The following NFIA variants were observed in gnomAD, a reference collection of about 807,000 sequenced individuals.
The protein encoded by NFIA is nuclear factor 1 A-type.
In NFIA, 8 loss-of-function variants were observed where a neutral mutation model predicts 62.8. The ratio of observed to expected loss-of-function variants is 0.13; its 90% CI spans 0.07 to 0.23. The LOEUF (loss-of-function observed/expected upper bound fraction) is 0.23. Ranked by LOEUF, NFIA falls within the 10% of genes least tolerant of loss-of-function variation. The pLI, the probability that NFIA is intolerant of heterozygous loss-of-function variation, is 1.00. For synonymous variants in NFIA, 235 were observed against 238.1 expected (o/e 0.99, Z 0.12); for missense variants, 410 against 642.1 (o/e 0.64, Z 3.91).
intron 6 of NFIA, among the ~76,000 whole-genome samples, chr1:61,360,291 C>A (rs1663217643): frequency 6.6e-6 from 1 of 152,188 alleles, no homozygotes; most frequent in African/African-American, 2.4e-5. Context: ...TTCTCCAAAG[C>A]TTCCTGAATA....
At chr1:61,155,590 G>A (rs1458435592) in intron 2 of NFIA, among the ~76,000 whole-genome samples, 2 of 144,738 alleles carry the variant, frequency 1.4e-5, no homozygotes, top group Non-Finnish European at 3.0e-5. Context: ...GGAGGATGGC[G>A]TGAACCCGGG....
intron 3 of NFIA, among the ~76,000 whole-genome samples, chr1:61,310,504 A>G (rs1306891153): frequency 6.6e-6 from 1 of 151,980 alleles, no homozygotes; most frequent in African/African-American, 2.4e-5. Flanking sequence ...GTATGGGGGG[A>G]AAAGGAAGAG....
At chr1:61,101,360 A>C (rs1646505419) in intron 2 of NFIA, among the ~76,000 whole-genome samples, 1 of 148,416 alleles carries the variant, frequency 6.7e-6, no homozygotes, top group Non-Finnish European at 1.5e-5. Context: ...GCGCCATTGC[A>C]CTCCAGCCTG....
At chr1:61,333,119 G>C (rs79329113) in intron 4 of NFIA, among the ~76,000 whole-genome samples, 7,008 of 151,400 alleles carry the variant, frequency 0.046, 559 homozygotes, top group African/African-American at 0.16. Context: ...TTAGGAATCT[G>C]TTTTTTCTTA....
At chr1:61,375,421 G>A (rs532466505) in intron 6 of NFIA, among the ~76,000 whole-genome samples, 2 of 152,282 alleles carry the variant, frequency 1.3e-5, no homozygotes, top group African/African-American at 2.4e-5. Flanking sequence ...AAAGCAGTTA[G>A]CATCATTAAG....
rs528395844 is a variant in NFIA, at chr1:61,360,650, A to G, written c.946+1376A>G. Reference sequence around the variant, plus strand: ...TGTCTCCTCCCTTAATTTTTTTTCAAAAGACAATGCTCAGGGGATGTGACT... The same window carrying G: ...TGTCTCCTCCCTTAATTTTTTTTCAGAAGACAATGCTCAGGGGATGTGACT... On this transcript the variant is annotated intron_variant, in intron 6 of 10. Coordinates refer to ENST00000403491, the MANE Select transcript of NFIA (RefSeq NM_001134673.4). 8.5e-5 allele frequency among the ~76,000 whole-genome samples: 13 copies of G among 152,226 alleles called. No homozygotes were observed. In the East Asian group the frequency reaches 2.5e-3, roughly 29 times the overall value.
chr1:61,265,822 T>G (rs1430460603), intron 2 of NFIA, among the ~76,000 whole-genome samples: 2 of 152,210 alleles, frequency 1.3e-5, no homozygotes, highest in Non-Finnish European at 2.9e-5. Flanking sequence ...CCTTCTGTGG[T>G]CAGGGGTTAG....
intron 2 of NFIA, among the ~76,000 whole-genome samples, chr1:61,155,675 A>T (rs334697): frequency 2.2e-5 from 3 of 137,354 alleles, no homozygotes; most frequent in Admixed American, 7.5e-5. Flanking sequence ...GCGAGACTCC[A>T]TCTCAAAAAA....
At chr1:61,286,392 C>T (rs1401217509) in intron 3 of NFIA, among the ~76,000 whole-genome samples, 2 of 145,954 alleles carry the variant, frequency 1.4e-5, no homozygotes, top group African/African-American at 5.1e-5. Context: ...TGCGCCACTG[C>T]ACTCCAGCCT....
At chr1:61,427,954 A>C (rs941315346) in intron 10 of NFIA, among the ~76,000 whole-genome samples, 1 of 152,256 alleles carries the variant, frequency 6.6e-6, no homozygotes, top group African/African-American at 2.4e-5. Context: ...AAAGCATTAA[A>C]ACAGAAGAAC....
Position 61,088,705 on chromosome 1 carries a change from C to T in NFIA, c.559+25C>T. 6.3e-7 allele frequency: 1 copy of T among 1,589,164 alleles called. No homozygotes were observed. Among genetic ancestry groups the T allele is most frequent in the Non-Finnish European group, 8.6e-7 (1 of 1,167,566 alleles). ...GGTAAGTGCGATGGTGAGAATTCCT[C>T]CCACTTTCTTGTGTGTGTTTCTTTC... On this transcript the variant is annotated intron_variant, in intron 2 of 10. Transcript: ENST00000403491. This position sits in a 1 kb window ranked among gnomAD's most constrained non-coding sequence, Gnocchi z 4.5.
At chr1:61,126,101 A>T (rs1158154293) in intron 2 of NFIA, among the ~76,000 whole-genome samples, 13 of 152,180 alleles carry the variant, frequency 8.5e-5, no homozygotes. Flanking sequence ...AAGTGTCACG[A>T]AACTTGCTTC....
chr1:61,236,682 CTTCT>C (rs1655033874), intron 2 of NFIA, among the ~76,000 whole-genome samples: 1 of 151,578 alleles, frequency 6.6e-6, no homozygotes, highest in Admixed American at 6.6e-5. Flanking sequence ...ATTTTTGCAA[CTTCT>C]TTCTTTTCCT....
At chr1:61,309,084 T>TATA (rs1430428078) in intron 3 of NFIA, among the ~76,000 whole-genome samples, 3 of 152,190 alleles carry the variant, frequency 2.0e-5, no homozygotes, top group African/African-American at 7.2e-5. Flanking sequence ...GTGAATACTC[T>TATA]ATAGAGTTTT....
rs1557631969 is a variant in NFIA at position 61,200,040 on chromosome 1, A to ATGTATATATATG, written c.560-77479_560-77478insGTATATATATGT. ...TATATATATATATATATATATATAT[A>ATGTATATATATG]TATATATATATATATATATATATAT... On this transcript the variant is annotated intron_variant, in intron 2 of 10. Transcript: ENST00000403491. 6.2e-4 allele frequency among the ~76,000 whole-genome samples: 29 copies of ATGTATATATATG among 47,130 alleles called. 1 individual carries two copies. The highest frequency in any genetic ancestry group is 3.5e-3 in the African/African-American group (28 of 7,966). The allele number at this position is 47,130 out of a possible 152,430, so 30.9% of individuals were successfully genotyped here.
chr1:61,310,122 G>C (rs1049202193), intron 3 of NFIA, among the ~76,000 whole-genome samples: 1 of 152,042 alleles, frequency 6.6e-6, no homozygotes, highest in African/African-American at 2.4e-5. Context: ...TGTATCTCAG[G>C]TGAAATGTTA....
chr1:61,248,386 T>G (rs1655789110), intron 2 of NFIA, among the ~76,000 whole-genome samples: 1 of 152,136 alleles, frequency 6.6e-6, no homozygotes, highest in Admixed American at 6.5e-5. Flanking sequence ...TCCCTAATAT[T>G]AAAACACAGC....
chr1:61,445,066 T>C (rs1569897366), intron 10 of NFIA, among the ~76,000 whole-genome samples: 1 of 152,358 alleles, frequency 6.6e-6, no homozygotes, highest in East Asian at 1.9e-4. Context: ...ATAAAACACA[T>C]TCTTGAATCA....
chr1:61,197,440 A>G (rs1055065010), intron 2 of NFIA, among the ~76,000 whole-genome samples: 1 of 150,520 alleles, frequency 6.6e-6, no homozygotes, highest in African/African-American at 2.4e-5. Flanking sequence ...GATTTCACTG[A>G]GTTGGCCAGG....
Sources: gnomAD v4.1 joint callset for allele counts (sites outside exome capture counted in the v4.1 genomes callset) on GRCh38, gnomAD v4.1.1 for gene constraint, Gnocchi (gnomAD v3.1) non-coding constraint, MANE v1.5 for transcripts, NCBI Gene and HGNC (gene_info 2026-07-23, HGNC 2026-07-21) for gene names.